Variants in PPP2R3C observed in about 807,000 individuals in gnomAD.
The protein encoded by PPP2R3C is serine/threonine-protein phosphatase 2A regulatory subunit B'' subunit gamma.
In PPP2R3C, 47 loss-of-function variants were observed where a neutral mutation model predicts 63.7. The ratio of observed to expected loss-of-function variants is 0.74; its 90% CI spans 0.58 to 0.94. PPP2R3C has a LOEUF of 0.94. PPP2R3C is among the 40% of genes least tolerant of loss of function. PPP2R3C has a pLI of 0.00. For missense variants in PPP2R3C, 421 were observed against 518.4 expected (o/e 0.81, Z 1.82); for synonymous variants, 180 against 177.4 (o/e 1.01, Z -0.12).
chr14:35,119,142 A>T (rs1393592113), intron 1 of PPP2R3C, among the ~76,000 whole-genome samples: 1 of 150,348 alleles, frequency 6.7e-6, no homozygotes, highest in Admixed American at 6.6e-5. Context: ...GGTTCAAGCG[A>T]TTCTCCCGCT....
At chr14:35,097,373 G>A (rs1023658432) in intron 7 of PPP2R3C, among the ~76,000 whole-genome samples, 3 of 152,042 alleles carry the variant, frequency 2.0e-5, no homozygotes, top group African/African-American at 4.8e-5. Context: ...GCTGGTACAC[G>A]AACAGGGACA....
chr14:35,090,615 T>C (rs978919523), intron 11 of PPP2R3C, among the ~76,000 whole-genome samples: 12 of 152,144 alleles, frequency 7.9e-5, no homozygotes, highest in Non-Finnish European at 1.2e-4. Flanking sequence ...TCTAATTTCC[T>C]AAAGTAGATG....
At chr14:35,117,143 T>A (rs1215706496) in intron 1 of PPP2R3C, 7 of 455,926 alleles carry the variant, frequency 1.5e-5, no homozygotes, top group Non-Finnish European at 3.1e-5. Flanking sequence ...CCTGACCTCA[T>A]GGAGTTTCAG....
Position 35,116,617 on chromosome 14 carries a change from TA to T in PPP2R3C, c.178del (p.Tyr60IlefsTer15). 1 of 1,590,504 alleles carries T rather than the reference TA, an allele frequency of 6.3e-7. No homozygotes were observed. Among genetic ancestry groups the T allele is most frequent in the Non-Finnish European group, 8.6e-7 (1 of 1,168,196 alleles). On this transcript the variant is annotated frameshift_variant, in exon 2 of 13. Coordinates refer to ENST00000261475, the MANE Select transcript of PPP2R3C (RefSeq NM_017917.4). LOFTEE classifies it high-confidence loss of function. The part of the protein sequence containing the change: ...NEFYKTIPRF[Y>X]YRLPAEDEVL... ...TGATTAGACACTACTTACCCTATAATAAAACCGGGGAATGGTCTTATAGAAT... is the reference window on the plus strand; with the variant it reads ...TGATTAGACACTACTTACCCTATAATAAACCGGGGAATGGTCTTATAGAAT...
At chr14:35,088,747 C>T (rs1233284140) in intron 11 of PPP2R3C, among the ~76,000 whole-genome samples, 3 of 152,070 alleles carry the variant, frequency 2.0e-5, no homozygotes, top group African/African-American at 7.2e-5. Flanking sequence ...TCATCCAGAC[C>T]CAGCTTTATC....
chr14:35,119,443 C>G (rs894289760), intron 1 of PPP2R3C, among the ~76,000 whole-genome samples: 2 of 151,990 alleles, frequency 1.3e-5, no homozygotes, highest in Non-Finnish European at 2.9e-5. Context: ...CTGAAACAAC[C>G]CTCCCTGCTT....
At chr14:35,117,301 C>G in intron 1 of PPP2R3C, 1 of 391,192 alleles carries the variant, frequency 2.6e-6, no homozygotes, top group Non-Finnish European at 5.1e-6. Flanking sequence ...TTCCTCCCCA[C>G]TTATTTGTGG....
At chr14:35,116,818 T>C in intron 1 of PPP2R3C, 81 bp from the exon 2 acceptor site, 1 of 1,131,384 alleles carries the variant, frequency 8.8e-7, no homozygotes, top group Non-Finnish European at 1.2e-6. Context: ...ATTATATTAA[T>C]AGTTTAATTA....
chr14:35,104,526 A>G (rs2046289408), intron 6 of PPP2R3C, among the ~76,000 whole-genome samples: 1 of 152,104 alleles, frequency 6.6e-6, no homozygotes, highest in Non-Finnish European at 1.5e-5. Flanking sequence ...TATATTTGGG[A>G]AAAAAGCCTG....
intron 9 of PPP2R3C, 75 bp downstream of exon 9, chr14:35,096,483 T>C (rs1027158653): frequency 1.5e-6 from 2 of 1,300,404 alleles, no homozygotes; most frequent in African/African-American, 2.9e-5. Context: ...TCAGTGTATG[T>C]ATAAAACTGT....
At position 35,110,700 on chromosome 14, in the gene PPP2R3C, A is replaced by G. The variant is rs1276412692; in HGVS notation, c.187-71T>C. 4.1e-6 allele frequency: 4 copies of G among 974,102 alleles called. No individual in the cohort carries two copies. In the African/African-American group the frequency reaches 6.5e-5, roughly 16 times the overall value. The allele number at this position is 974,102 out of a possible 1,614,324, so 60.3% of individuals were successfully genotyped here. A position where few individuals can be genotyped will look rare whatever the true frequency, so the allele number is the denominator to read the frequency against. On this transcript the variant is annotated intron_variant, in intron 2 of 12. Transcript: ENST00000261475. ...GATCCTATAAAATGTATGTGGCCTC[A>G]TAAAATAACTGTATGCCACCGCCTC...
intron 4 of PPP2R3C, 34 bp downstream of exon 4, chr14:35,109,785 T>C: frequency 6.7e-7 from 1 of 1,492,836 alleles, no homozygotes; most frequent in Non-Finnish European, 9.3e-7. Context: ...ATGCTTAACA[T>C]AACACATTCT....
intron 10 of PPP2R3C, among the ~76,000 whole-genome samples, chr14:35,094,652 ACT>A (rs2045937667): frequency 8.7e-6 from 1 of 114,814 alleles, no homozygotes; most frequent in Admixed American, 7.9e-5. Context: ...TTTTAAAGAC[ACT>A]GTTACACAGT....
In PPP2R3C at chr14:35,109,808, A is replaced by C; in HGVS notation, c.404+11T>G. 1 of 1,538,544 alleles carries C rather than the reference A, an allele frequency of 6.5e-7. No homozygotes were observed. Among genetic ancestry groups the C allele is most frequent in the Non-Finnish European group, 9.0e-7 (1 of 1,115,532 alleles). Reference sequence around the variant, plus strand: ...CATAACACATTCTTTTGTTAATTATATTATTCTTACTTGCACTTTGCTCCA... The same window carrying C: ...CATAACACATTCTTTTGTTAATTATCTTATTCTTACTTGCACTTTGCTCCA... On this transcript the variant is annotated intron_variant, in intron 4 of 12. Transcript: ENST00000261475.
chr14:35,106,124 C>T (rs1055961039), intron 6 of PPP2R3C, among the ~76,000 whole-genome samples: 19 of 151,306 alleles, frequency 1.3e-4, no homozygotes, highest in Non-Finnish European at 1.6e-4. Context: ...GGATTACAGG[C>T]GTGAGCCACC....
intron 7 of PPP2R3C, among the ~76,000 whole-genome samples, chr14:35,097,991 A>C (rs1319652095): frequency 2.6e-5 from 4 of 152,188 alleles, no homozygotes; most frequent in African/African-American, 7.2e-5. Flanking sequence ...TGTGGACAAT[A>C]ATGTACCTTC....
Position 35,095,074 on chromosome 14 carries a change from C to G in PPP2R3C, c.949G>C (p.Glu317Gln), listed in dbSNP as rs758607136. ...ATTTCTCCATCATAAGTGAGACACT[C>G]CTGGAAAACACGGTCTAAGAAGACA... ...TNVFLDRVFQ[E>Q]CLTYDGEMDY... The change falls in exon 10 of 13, where the codon GAG (glutamate) becomes CAG (glutamine). Residue 317 changes from glutamate (E) to glutamine (Q), a missense_variant. Physicochemically the swap from Glu to Gln is conservative, Grantham distance 29. Around this residue, in one of 3 missense-constraint regions of PPP2R3C, gnomAD observed 231 missense variants for 264.8 expected, o/e 0.87. Coordinates refer to ENST00000261475, the MANE Select transcript of PPP2R3C (RefSeq NM_017917.4). 6.2e-7 allele frequency: 1 copy of G among 1,608,398 alleles called. No individual in the cohort carries two copies. Among genetic ancestry groups the G allele is most frequent in the East Asian group, 2.2e-5 (1 of 44,856 alleles).
chr14:35,095,707 G>T (rs1290343025), intron 9 of PPP2R3C, among the ~76,000 whole-genome samples: 1 of 151,146 alleles, frequency 6.6e-6, no homozygotes, highest in African/African-American at 2.4e-5. Flanking sequence ...AACATTAGCC[G>T]GGTGTGGTGG....
chr14:35,109,754 C>T, intron 4 of PPP2R3C, 65 bp downstream of exon 4: 1 of 1,304,190 alleles, frequency 7.7e-7, no homozygotes, highest in Non-Finnish European at 1.1e-6. Context: ...CTGTGCCCAG[C>T]CAATATTTGA....
Sources: allele counts gnomAD v4.1 joint callset (sites outside exome capture counted in the v4.1 genomes callset), GRCh38; gene constraint gnomAD v4.1.1; regional missense constraint gnomAD v4.1.1; transcripts MANE v1.5; gene names NCBI Gene and HGNC (gene_info 2026-07-23, HGNC 2026-07-21).